ITPK1: variants seen among roughly 807,000 people sequenced by gnomAD.
ITPK1 encodes inositol-tetrakisphosphate 1-kinase.
A neutral mutation model predicts 45.3 loss-of-function variants in ITPK1; 21 were observed. The observed-to-expected ratio is 0.46, with a 90% CI of 0.33 to 0.67. The LOEUF is 0.67. Among genes scored for constraint, ITPK1 ranks in the 30% least tolerant of loss-of-function variants. The pLI is 0.02. For missense variants in ITPK1, 474 were observed against 573.5 expected (o/e 0.83, Z 1.77); for synonymous variants, 258 against 253.6 (o/e 1.02, Z -0.16).
intron 3 of ITPK1, among the ~76,000 whole-genome samples, chr14:93,052,434 T>C (rs1566757700): frequency 6.6e-6 from 1 of 152,178 alleles, no homozygotes; most frequent in Non-Finnish European, 1.5e-5. Flanking sequence ...GATTCTCCCA[T>C]AATCCCAAGC....
chr14:93,075,639 G>A, intron 3 of ITPK1, among the ~76,000 whole-genome samples: 1 of 152,162 alleles, frequency 6.6e-6, no homozygotes. Context: ...TGGGGACGCT[G>A]CTCTCCTATG....
intron 3 of ITPK1, among the ~76,000 whole-genome samples, chr14:93,041,019 C>T (rs1889538958): frequency 2.0e-5 from 3 of 152,326 alleles, no homozygotes; most frequent in South Asian, 2.1e-4. Flanking sequence ...CTCTACCACT[C>T]CCCATCAATA....
intron 2 of ITPK1, among the ~76,000 whole-genome samples, chr14:93,100,102 C>T (rs538609193): frequency 1.3e-4 from 20 of 152,336 alleles, no homozygotes; most frequent in African/African-American, 4.3e-4. Context: ...ACCCTGCCCA[C>T]ACTCAGGCCA....
intron 2 of ITPK1, among the ~76,000 whole-genome samples, chr14:93,085,314 C>T (rs2139997258): frequency 6.6e-6 from 1 of 152,322 alleles, no homozygotes; most frequent in East Asian, 1.9e-4. Context: ...GGGCATCTTT[C>T]CTTTGACTGG....
intron 2 of ITPK1, among the ~76,000 whole-genome samples, chr14:93,114,738 G>A (rs1044553255): frequency 1.3e-5 from 2 of 152,168 alleles, no homozygotes; most frequent in Non-Finnish European, 2.9e-5. Flanking sequence ...TTACCCCACA[G>A]CGTGGATGCC....
intron 3 of ITPK1, among the ~76,000 whole-genome samples, chr14:93,022,733 G>T (rs898687711): frequency 6.6e-6 from 1 of 151,830 alleles, no homozygotes; most frequent in Admixed American, 6.6e-5. Context: ...CAGATGTTGG[G>T]CAGGCTGGTC....
intron 3 of ITPK1, among the ~76,000 whole-genome samples, chr14:93,064,628 C>G (rs1890672167): frequency 6.6e-6 from 1 of 152,156 alleles, no homozygotes; most frequent in Admixed American, 6.5e-5. Context: ...CACCAGCAAG[C>G]CGGGATCTCC....
At chr14:92,963,307 A>G (rs1427743354) in intron 5 of ITPK1, among the ~76,000 whole-genome samples, 1 of 152,224 alleles carries the variant, frequency 6.6e-6, no homozygotes, top group Admixed American at 6.5e-5. Flanking sequence ...CGCAGTGACA[A>G]TATAGCTCTT....
At chr14:93,115,343 C>T (rs1892904321) in intron 1 of ITPK1, 38 bp from the exon 2 acceptor site, 2 of 260,566 alleles carry the variant, frequency 7.7e-6, no homozygotes, top group East Asian at 6.9e-5. Context: ...GCGCGGCGGG[C>T]GGCCGGGAGG....
intron 2 of ITPK1, among the ~76,000 whole-genome samples, chr14:93,093,820 C>T (rs1225978107): frequency 1.3e-5 from 2 of 152,244 alleles, no homozygotes; most frequent in African/African-American, 4.8e-5. Context: ...CAGCCTCCCC[C>T]TCCAATCCCA....
intron 3 of ITPK1, among the ~76,000 whole-genome samples, chr14:93,045,975 G>A (rs777632255): frequency 3.9e-5 from 6 of 152,154 alleles, no homozygotes; most frequent in Non-Finnish European, 4.4e-5. Flanking sequence ...CCTCCCAAGC[G>A]GTCACTGCTC....
chr14:93,046,934 G>A (rs1279907514), intron 3 of ITPK1, among the ~76,000 whole-genome samples: 1 of 152,188 alleles, frequency 6.6e-6, no homozygotes, highest in East Asian at 1.9e-4. Flanking sequence ...GGCTGGTAGG[G>A]AAATCACAAG....
Position 92,958,638 on chromosome 14 carries a change from C to A in ITPK1, c.505-272G>T, listed in dbSNP as rs982551034. Among the ~76,000 whole-genome samples, 29 of 152,210 alleles carry A rather than the reference C, an allele frequency of 1.9e-4. No individual in the cohort carries two copies. The highest frequency in any genetic ancestry group is 6.8e-4 in the African/African-American group (28 of 41,442). On this transcript the variant is annotated intron_variant, in intron 7 of 10. Coordinates refer to ENST00000267615, the MANE Select transcript of ITPK1 (RefSeq NM_014216.6). The surrounding 1 kb of genome is among the most constrained non-coding windows in gnomAD (Gnocchi z 4.4). ...GAGCTGGCTGTGCACTGCACAACTT[C>A]TGAGAGCGTGACACCACTTGTCGCA...
intron 4 of ITPK1, among the ~76,000 whole-genome samples, chr14:93,004,782 C>CG (rs909582739): frequency 2.0e-5 from 3 of 150,968 alleles, no homozygotes; most frequent in South Asian, 2.1e-4. Flanking sequence ...AGTGTGGGTG[C>CG]GGGGGGCACA....
intron 5 of ITPK1, among the ~76,000 whole-genome samples, chr14:92,986,865 G>A (rs905544022): frequency 6.6e-6 from 1 of 152,194 alleles, no homozygotes; most frequent in East Asian, 1.9e-4. Flanking sequence ...TCTCTCCTGG[G>A]AGCCTCCAGA....
At chr14:93,052,451 A>G (rs2139932549) in intron 3 of ITPK1, among the ~76,000 whole-genome samples, 1 of 152,240 alleles carries the variant, frequency 6.6e-6, no homozygotes, top group South Asian at 2.1e-4. Context: ...AAGCTCTCCA[A>G]GGTCTAAGTC....
At chr14:93,021,696 G>A (rs1168485131) in intron 3 of ITPK1, among the ~76,000 whole-genome samples, 1 of 152,170 alleles carries the variant, frequency 6.6e-6, no homozygotes, top group Non-Finnish European at 1.5e-5. Flanking sequence ...GAAGACTGGA[G>A]AAGAGGAGAT....
At chr14:93,108,709 A>T (rs887830671) in intron 2 of ITPK1, among the ~76,000 whole-genome samples, 2 of 152,254 alleles carry the variant, frequency 1.3e-5, no homozygotes, top group Admixed American at 1.3e-4. Context: ...CTTTGTGAGC[A>T]GTTTCAGAAC....
At chr14:93,048,900 G>A (rs1196101941) in intron 3 of ITPK1, among the ~76,000 whole-genome samples, 1 of 152,130 alleles carries the variant, frequency 6.6e-6, no homozygotes, top group Non-Finnish European at 1.5e-5. Flanking sequence ...AGTGAGCCGA[G>A]GTCACACCAC....
Sources: gnomAD v4.1 joint callset for allele counts (sites outside exome capture counted in the v4.1 genomes callset) on GRCh38, gnomAD v4.1.1 for gene constraint, Gnocchi (gnomAD v3.1) non-coding constraint, MANE v1.5 for transcripts, NCBI Gene and HGNC (gene_info 2026-07-23, HGNC 2026-07-21) for gene names.